PRKN: variants seen among roughly 807,000 people sequenced by gnomAD.
PRKN encodes parkin RBR E3 ubiquitin protein ligase, also known as E3 ubiquitin-protein ligase parkin.
A neutral mutation model predicts 59.5 loss-of-function variants in PRKN; 56 were observed. The observed-to-expected ratio is 0.94, with a 90% CI of 0.76 to 1.18. The LOEUF (loss-of-function observed/expected upper bound fraction) is 1.18, where lower values mean the gene tolerates loss of function less well. Ranked by LOEUF, PRKN falls within the 50% of genes most tolerant of loss-of-function variation. PRKN has a pLI of 0.00. For synonymous variants in PRKN, 250 were observed against 222.1 expected, an observed-to-expected ratio of 1.13 and a Z score of -1.12; for missense variants, 657 against 596.4, an observed-to-expected ratio of 1.10 and a Z score of -1.06.
chr6:161,902,548 A>AT (rs1777960324), intron 6 of PRKN, among the ~76,000 whole-genome samples: 1 of 60,226 alleles, frequency 1.7e-5, no homozygotes, highest in African/African-American at 4.6e-5. Context: ...CTATCTATCT[A>AT]TTTATTTATT....
At chr6:162,631,418 G>A (rs1413840848) in intron 1 of PRKN, among the ~76,000 whole-genome samples, 1 of 152,074 alleles carries the variant, frequency 6.6e-6, no homozygotes, top group Non-Finnish European at 1.5e-5. Flanking sequence ...CTTATAAGAA[G>A]GGTGCTTTAA....
At chr6:162,180,372 T>G (rs1299840759) in intron 4 of PRKN, among the ~76,000 whole-genome samples, 6 of 152,142 alleles carry the variant, frequency 3.9e-5, no homozygotes, top group Admixed American at 3.9e-4. Flanking sequence ...TTATTTCACA[T>G]TGCATGCCTG....
At chr6:162,193,167 T>C (rs1363668771) in intron 4 of PRKN, among the ~76,000 whole-genome samples, 2 of 152,168 alleles carry the variant, frequency 1.3e-5, no homozygotes, top group East Asian at 3.8e-4. Flanking sequence ...TTGACCCACA[T>C]TTCTCTAGAC....
chr6:162,560,617 C>G, intron 1 of PRKN, among the ~76,000 whole-genome samples: 1 of 151,966 alleles, frequency 6.6e-6, no homozygotes. Context: ...TGTCATAACA[C>G]CCTTCTGGTG....
intron 2 of PRKN, among the ~76,000 whole-genome samples, chr6:162,326,418 G>T (rs1161641241): frequency 2.6e-5 from 4 of 152,036 alleles, no homozygotes; most frequent in Admixed American, 2.6e-4. Flanking sequence ...AAAAATCAAT[G>T]AATTTAAGAG....
chr6:161,785,960 C>T (rs2128206716), intron 6 of PRKN, 52 bp from the exon 7 acceptor site: 1 of 1,600,860 alleles, frequency 6.2e-7, no homozygotes, highest in Non-Finnish European at 8.5e-7. Context: ...TGTGGAAAGG[C>T]AGCACGTGCT....
At chr6:162,277,880 A>C (rs1347314838) in intron 2 of PRKN, among the ~76,000 whole-genome samples, 1 of 152,192 alleles carries the variant, frequency 6.6e-6, no homozygotes, top group Non-Finnish European at 1.5e-5. Context: ...TACAAAACTA[A>C]ACATACTATA....
Position 161,461,415 on chromosome 6 carries a change from G to C in PRKN, c.1084-74538C>G, listed in dbSNP as rs556807668. 7.2e-5 allele frequency among the ~76,000 whole-genome samples: 11 copies of C among 152,224 alleles called. No individual in the cohort carries two copies. Among genetic ancestry groups the C allele is most frequent in the Admixed American group, 1.3e-4 (2 of 15,280 alleles). On this transcript the variant is annotated intron_variant, in intron 9 of 11. Transcript: ENST00000366898. The surrounding 1 kb of genome is among the most constrained non-coding windows in gnomAD (Gnocchi z 5.1). ...TTTAAGCTCTAGGGAATCACTTTAT[G>C]GGGGGTGTTATGAGCATATTTTATG...
intron 9 of PRKN, among the ~76,000 whole-genome samples, chr6:161,476,534 C>T (rs1791091291): frequency 6.6e-6 from 1 of 152,190 alleles, no homozygotes; most frequent in Non-Finnish European, 1.5e-5. Flanking sequence ...CTCCAACTCA[C>T]TTTCAAAAAC....
chr6:161,870,096 A>G (rs907810924), intron 6 of PRKN, among the ~76,000 whole-genome samples: 2 of 152,202 alleles, frequency 1.3e-5, no homozygotes, highest in African/African-American at 2.4e-5. Context: ...TCTCCCATTC[A>G]AGTACTAACC....
intron 7 of PRKN, among the ~76,000 whole-genome samples, chr6:161,699,907 C>T (rs1359446258): frequency 6.6e-6 from 1 of 152,148 alleles, no homozygotes; most frequent in Non-Finnish European, 1.5e-5. Context: ...TTTTTCCCTC[C>T]TGTCCATTAT....
At chr6:161,382,716 A>G (rs1043855270) in intron 10 of PRKN, among the ~76,000 whole-genome samples, 13 of 152,240 alleles carry the variant, frequency 8.5e-5, no homozygotes, top group African/African-American at 2.9e-4. Context: ...AACTCCCAGC[A>G]GTTTCAACGT....
At chr6:161,834,670 G>A (rs968767853) in intron 6 of PRKN, among the ~76,000 whole-genome samples, 1 of 152,230 alleles carries the variant, frequency 6.6e-6, no homozygotes, top group African/African-American at 2.4e-5. Flanking sequence ...ACTGGGTAGA[G>A]GGAGGTTCAT....
Position 161,529,755 on chromosome 6 carries a change from G to A in PRKN, c.1083+19099C>T. Among the ~76,000 whole-genome samples, 1 of 152,146 alleles carries A rather than the reference G, an allele frequency of 6.6e-6. No homozygotes were observed. On this transcript the variant is annotated intron_variant, in intron 9 of 11. Transcript: ENST00000366898. The surrounding 1 kb of genome is among the most constrained non-coding windows in gnomAD (Gnocchi z 4.4). ...ATTTATAAACATTATTGGTACAACTGATTTTTGTCTCTGGCTGGAAAATTT... is the reference window on the plus strand; with the variant it reads ...ATTTATAAACATTATTGGTACAACTAATTTTTGTCTCTGGCTGGAAAATTT...
chr6:162,662,015 T>C (rs1432016094), intron 1 of PRKN, among the ~76,000 whole-genome samples: 1 of 152,130 alleles, frequency 6.6e-6, no homozygotes, highest in Non-Finnish European at 1.5e-5. Flanking sequence ...ACTATGTCCA[T>C]GTGTACATGT....
rs986521231 is a variant in PRKN, at chr6:161,414,081, C to G, written c.1084-27204G>C. On this transcript the variant is annotated intron_variant, in intron 9 of 11. Coordinates refer to ENST00000366898, the MANE Select transcript of PRKN (RefSeq NM_004562.3). The surrounding 1 kb of genome is among the most constrained non-coding windows in gnomAD (Gnocchi z 5.3). ...CCGAGGTGGGGAGGGTCAGTGAGGG[C>G]AGGGTACTGGTGTCATTTTAATTCA... Among the ~76,000 whole-genome samples, 1 of 152,130 alleles carries G rather than the reference C, an allele frequency of 6.6e-6. No individual in the cohort carries two copies. The highest frequency in any genetic ancestry group is 6.6e-5 in the Admixed American group (1 of 15,264).
At chr6:162,010,328 T>C (rs1337473588) in intron 5 of PRKN, among the ~76,000 whole-genome samples, 1 of 123,636 alleles carries the variant, frequency 8.1e-6, no homozygotes, top group Non-Finnish European at 1.6e-5. Context: ...ATATTTATAA[T>C]ATATAATATA....
intron 6 of PRKN, among the ~76,000 whole-genome samples, chr6:161,896,789 C>T (rs1777643863): frequency 6.6e-6 from 1 of 152,068 alleles, no homozygotes; most frequent in African/African-American, 2.4e-5. Context: ...TATCTCAATT[C>T]CTGATGCTGA....
In PRKN at chr6:162,534,758, C is replaced by A. The variant is rs571127487; in HGVS notation, c.8-91285G>T. ...CCAGATCTGCCCCTCCAGCTGCCTG[C>A]AGCTCCAGTAGAGGCTGTGTGGAGA... On this transcript the variant is annotated intron_variant, in intron 1 of 11. Transcript: ENST00000366898. Among the ~76,000 whole-genome samples the A allele has an allele frequency of 2.6e-5, 4 of 152,286 alleles. No homozygotes were observed. The South Asian group carries it at 6.2e-4, about 24-fold the overall frequency.
Sources: allele counts gnomAD v4.1 joint callset (sites outside exome capture counted in the v4.1 genomes callset), GRCh38; gene constraint gnomAD v4.1.1; non-coding constraint Gnocchi (gnomAD v3.1); transcripts MANE v1.5; gene names NCBI Gene and HGNC (gene_info 2026-07-23, HGNC 2026-07-21).